USH1C: variants seen among roughly 807,000 people sequenced by gnomAD.
USH1C encodes USH1 protein network component harmonin, also known as harmonin.
In USH1C, 90 loss-of-function variants were observed where a neutral mutation model predicts 119.3. The ratio of observed to expected loss-of-function variants is 0.75; its 90% CI spans 0.64 to 0.90. USH1C has a LOEUF of 0.90. Ranked by LOEUF, USH1C falls within the 40% of genes least tolerant of loss-of-function variation. The pLI, the probability that USH1C is intolerant of heterozygous loss-of-function variation, is 0.00. For synonymous variants in USH1C, 465 were observed against 443.3 expected (o/e 1.05, Z -0.62); for missense variants, 1,165 against 1,167.7 (o/e 1.00, Z 0.03).
intron 14 of USH1C, chr11:17,516,655 A>G (rs549814282): frequency 6.2e-5 from 22 of 355,198 alleles, no homozygotes; most frequent in Non-Finnish European, 1.2e-4. Flanking sequence ...TTGAAAGAGA[A>G]CAAGGCCTTT....
intron 12 of USH1C, among the ~76,000 whole-genome samples, 153 bp downstream of exon 12, chr11:17,522,631 G>A (rs771157212): frequency 1.3e-5 from 2 of 152,150 alleles, no homozygotes; most frequent in Non-Finnish European, 1.5e-5. Context: ...GGATGGATAC[G>A]CTGACCTACC....
intron 20 of USH1C, among the ~76,000 whole-genome samples, 198 bp downstream of exon 20, chr11:17,504,449 C>G (rs1849561980): frequency 6.6e-6 from 1 of 152,176 alleles, no homozygotes; most frequent in Non-Finnish European, 1.5e-5. Flanking sequence ...GTCTAATAAG[C>G]CCTGGGTCCC....
intron 1 of USH1C, 81 bp from the exon 2 acceptor site, chr11:17,533,403 C>T (rs1157942172): frequency 2.0e-6 from 2 of 1,005,932 alleles, no homozygotes; most frequent in Admixed American, 1.7e-5. Context: ...GAGGTCATCC[C>T]CAAGGGCCTC....
chr11:17,496,234 C>A (rs550172082), intron 25 of USH1C, among the ~76,000 whole-genome samples: 45 of 152,196 alleles, frequency 3.0e-4, no homozygotes, highest in Non-Finnish European at 4.6e-4. Context: ...ACCCACAGGA[C>A]ACAAGAGACA....
intron 25 of USH1C, among the ~76,000 whole-genome samples, chr11:17,496,433 G>C (rs1849251315): frequency 6.6e-6 from 1 of 152,208 alleles, no homozygotes; most frequent in Non-Finnish European, 1.5e-5. Flanking sequence ...TAATAATGGG[G>C]CAGGGGATAA....
intron 24 of USH1C, 130 bp downstream of exon 24, chr11:17,498,032 C>A: frequency 1.3e-6 from 1 of 751,842 alleles, no homozygotes; most frequent in African/African-American, 1.7e-5. Flanking sequence ...GGTATGGTGT[C>A]ACCAAAGTGT....
intron 9 of USH1C, 117 bp downstream of exon 9, chr11:17,524,334 C>T: frequency 8.9e-7 from 1 of 1,126,396 alleles, no homozygotes; most frequent in Non-Finnish European, 1.3e-6. Context: ...GCTCCTACTC[C>T]CTCAGTGTCC....
intron 8 of USH1C, among the ~76,000 whole-genome samples, chr11:17,525,929 G>C (rs926510568): frequency 1.3e-5 from 2 of 152,216 alleles, no homozygotes; most frequent in South Asian, 4.1e-4. Flanking sequence ...GGCTGGGTGC[G>C]GTGCTTCATG....
rs1433552021 is a variant in USH1C, at chr11:17,504,639, C to T, written c.2184+8G>A. On this transcript the variant is annotated splice_region_variant and intron_variant, in intron 20 of 26. Transcript: ENST00000005226. ...AGACCTCCAGACACACAATGGGTAT[C>T]AGTTTACTTGTCTGAATGCTGTCTG... 1.9e-6 allele frequency: 3 copies of T among 1,613,894 alleles called. No individual in the cohort carries two copies. The highest frequency in any genetic ancestry group is 1.3e-5 in the African/African-American group (1 of 74,866).
At chr11:17,503,478 A>ACTGAGGCCCAGAGAGGTGATATT (rs1238371711) in intron 20 of USH1C, among the ~76,000 whole-genome samples, 1 of 152,170 alleles carries the variant, frequency 6.6e-6, no homozygotes, top group African/African-American at 2.4e-5. Context: ...AGAGGAAGAA[A>ACTGAGGCCCAGAGAGGTGATATT]CTGAGGCCCA....
chr11:17,530,809 T>C lies in USH1C; in HGVS notation c.387+345A>G, dbSNP rs552467755. Among the ~76,000 whole-genome samples, 155 of 152,318 alleles carry C rather than the reference T, an allele frequency of 1.0e-3. 1 individual carries two copies. The highest frequency in any genetic ancestry group is 3.7e-3 in the African/African-American group (152 of 41,578). On this transcript the variant is annotated intron_variant, in intron 4 of 26. Coordinates refer to ENST00000005226, the MANE Select transcript of USH1C (RefSeq NM_153676.4). ...TGCACCAGGCTTTCTTTCCCCCTGC[T>C]GGTAAAAGGCAACAGGTCCAAAACT...
intron 22 of USH1C, 32 bp downstream of exon 22, chr11:17,501,450 G>A (rs1402996070): frequency 6.2e-7 from 1 of 1,607,656 alleles, no homozygotes; most frequent in Non-Finnish European, 8.5e-7. Context: ...AGAGAGGGAT[G>A]GCGGCCCACC....
chr11:17,518,651 T>C (rs1259579104), intron 14 of USH1C, among the ~76,000 whole-genome samples: 1 of 152,190 alleles, frequency 6.6e-6, no homozygotes, highest in African/African-American at 2.4e-5. Context: ...GGGCAGTCAG[T>C]CCCAGGCACA....
Position 17,517,353 on chromosome 11 carries a change from A to C in USH1C, c.1211-1063T>G, listed in dbSNP as rs898138982. The C allele has an allele frequency of 1.4e-5, 21 of 1,541,720 alleles. No homozygotes were observed. The African/African-American group carries it at 2.3e-4, about 17-fold the overall frequency. ...GCACTGCGGTCAGGAGGAGGCGGGC[A>C]GGGTAAAGCAGAGCAGCCAGGCCAG... is the stretch of plus-strand genomic sequence containing the variant. On this transcript the variant is annotated intron_variant, in intron 14 of 26. Coordinates refer to ENST00000005226, the MANE Select transcript of USH1C (RefSeq NM_153676.4).
In USH1C at chr11:17,522,914, A is replaced by G. The variant is rs748728168; in HGVS notation, c.889T>C (p.Phe297Leu). The G allele has an allele frequency of 6.2e-7, 1 of 1,612,004 alleles. No homozygotes were observed. The highest frequency in any genetic ancestry group is 8.5e-7 in the Non-Finnish European group (1 of 1,179,176). The change falls in exon 12 of 27, where the codon TTC becomes CTC. Residue 297 changes from phenylalanine (F) to leucine (L), a missense_variant. Coordinates refer to ENST00000005226, the MANE Select transcript of USH1C (RefSeq NM_153676.4). ...GCCAGCCGCTCCCGGTCTGTCATGA[A>G]CAGCTCCCGGCCCTCATGGGAGAAA... ...SIVAAAGREL[F>L]MTDRERLAEA...
In USH1C at chr11:17,526,400, G is replaced by C. The variant is rs1345523318; in HGVS notation, c.621C>G (p.Asn207Lys). The C allele has an allele frequency of 6.2e-7, 1 of 1,614,156 alleles. No individual in the cohort carries two copies. Among genetic ancestry groups the C allele is most frequent in the Non-Finnish European group, 8.5e-7 (1 of 1,180,024 alleles). The change falls in exon 8 of 27, where the codon AAC becomes AAG. Residue 207 changes from asparagine (N) to lysine (K), a missense_variant. Asn to Lys is a moderately conservative substitution (Grantham distance 94, BLOSUM62 0). Coordinates refer to ENST00000005226, the MANE Select transcript of USH1C (RefSeq NM_153676.4). ...GSLGSPGNRENKEKKVFISLV... is the reference protein window; with the variant it reads ...GSLGSPGNREKKEKKVFISLV... ...GGCTGATGAAGACCTTCTTCTCCTTGTTTTCCCGATTTCCAGGGGAGCCCA... is the reference window on the plus strand; with the variant it reads ...GGCTGATGAAGACCTTCTTCTCCTTCTTTTCCCGATTTCCAGGGGAGCCCA...
rs1437757846 is a variant in USH1C, at chr11:17,533,236, C to G, written c.104+19G>C. Reference sequence around the variant, plus strand: ...AAGGAACCCAAGTGGCCCACAAGAGCTGGACCCAGCACACTTACTGGTGGT... The same window carrying G: ...AAGGAACCCAAGTGGCCCACAAGAGGTGGACCCAGCACACTTACTGGTGGT... On this transcript the variant is annotated intron_variant, in intron 2 of 26. Coordinates refer to ENST00000005226, the MANE Select transcript of USH1C (RefSeq NM_153676.4). 1.2e-6 allele frequency: 2 copies of G among 1,609,698 alleles called. No homozygotes were observed. The highest frequency in any genetic ancestry group is 1.7e-6 in the Non-Finnish European group (2 of 1,176,012).
chr11:17,522,882 CGCCTCT>C lies in USH1C; in HGVS notation c.915_920del (p.Glu306_Ala307del), dbSNP rs1554960929. 6.2e-6 allele frequency: 10 copies of C among 1,611,484 alleles called. No individual in the cohort carries two copies. The highest frequency in any genetic ancestry group is 8.5e-6 in the Non-Finnish European group (10 of 1,179,280). ...CCTGCCGCTGCAGCTCACGCTGCCG[CGCCTCT>C]GCCAGCCGCTCCCGGTCTGTCATGA... On this transcript the variant is annotated inframe_deletion, in exon 12 of 27. Transcript: ENST00000005226.
chr11:17,526,538 A>C (rs2133894507), intron 7 of USH1C, 97 bp from the exon 8 acceptor site: 1 of 1,211,436 alleles, frequency 8.3e-7, no homozygotes, highest in South Asian at 1.3e-5. Context: ...TGCTGAACTC[A>C]CGCCAGCCAG....
Sources: allele counts gnomAD v4.1 joint callset (sites outside exome capture counted in the v4.1 genomes callset), GRCh38; gene constraint gnomAD v4.1.1; transcripts MANE v1.5; gene names NCBI Gene and HGNC (gene_info 2026-07-23, HGNC 2026-07-21).